Variants in PABPC4L observed in about 807,000 individuals in gnomAD.
PABPC4L encodes poly(A) binding protein cytoplasmic 4 like.
For missense variants in PABPC4L, 452 were observed against 451.4 expected (o/e 1.00, Z -0.01); for synonymous variants, 169 against 164.1 (o/e 1.03, Z -0.23).
chr4:134,169,151 G>A, the PABPC4L span, among the ~76,000 whole-genome samples: 1 of 152,056 alleles, frequency 6.6e-6, no homozygotes, highest in African/African-American at 2.4e-5. Context: ...GTCAACATAT[G>A]CAAATTGAAA....
chr4:134,085,613 C>T, the PABPC4L span, among the ~76,000 whole-genome samples: 1 of 152,130 alleles, frequency 6.6e-6, no homozygotes, highest in Non-Finnish European at 1.5e-5. Context: ...ACTATTCATA[C>T]TTCTAACACC....
the PABPC4L span, among the ~76,000 whole-genome samples, chr4:134,108,777 G>A: frequency 1.3e-5 from 2 of 151,758 alleles, no homozygotes; most frequent in Non-Finnish European, 2.9e-5. Context: ...TGGAGATGGT[G>A]TTCTCACTCT....
the PABPC4L span, among the ~76,000 whole-genome samples, chr4:133,988,448 G>C: frequency 6.6e-6 from 1 of 152,178 alleles, no homozygotes; most frequent in Non-Finnish European, 1.5e-5. Flanking sequence ...AGGGGCTACA[G>C]GCCCCATACA....
rs1462191860 is a variant in PABPC4L, at chr4:134,197,336, A to G, written c.*2571T>C. 6.6e-6 allele frequency: 1 copy of G among 151,736 alleles called. No homozygotes were observed. Among genetic ancestry groups the G allele is most frequent in the Admixed American group, 6.6e-5 (1 of 15,236 alleles). 9.4% of individuals were successfully genotyped at this position (151,736 alleles called of 1,614,324 possible). A position where few individuals can be genotyped will look rare whatever the true frequency, so the allele number is the denominator to read the frequency against. Reference sequence around the variant, plus strand: ...GATACTTTTTATGAACCAAAATTTTAGTTAGAAGCATTGAGAATATGAAAA... The same window carrying G: ...GATACTTTTTATGAACCAAAATTTTGGTTAGAAGCATTGAGAATATGAAAA... On this transcript the variant is annotated 3_prime_UTR_variant, in exon 2 of 2. Coordinates refer to ENST00000421491, the MANE Select transcript of PABPC4L (RefSeq NM_001114734.2).
chr4:133,981,031 C>T, the PABPC4L span, among the ~76,000 whole-genome samples: 1 of 152,058 alleles, frequency 6.6e-6, no homozygotes, highest in South Asian at 2.1e-4. Context: ...TGTAGTGGCA[C>T]ACGCCTGTAA....
the PABPC4L span, among the ~76,000 whole-genome samples, chr4:134,159,086 A>G: frequency 6.6e-6 from 1 of 152,312 alleles, no homozygotes; most frequent in South Asian, 2.1e-4. Context: ...AAGCTTATAG[A>G]AAAGAAAGTT....
In PABPC4L at chr4:134,199,941, T is replaced by C; in HGVS notation, c.1079A>G (p.Lys360Arg). The change falls in exon 2 of 2, where the codon AAA (lysine) becomes AGA (arginine). Residue 360 changes from lysine (K) to arginine (R), a missense_variant. Physicochemically the swap from Lys to Arg is conservative, Grantham distance 26. Coordinates refer to ENST00000421491, the MANE Select transcript of PABPC4L (RefSeq NM_001114734.2). ...TEMNGRILGS[K>R]PLSIALAQRH ...CTGGGCCAAGGCAATGCTAAGAGGT[T>C]TGGAGCCCAAGATGCGGCCATTCAT... The C allele has an allele frequency of 6.4e-7, 1 of 1,551,656 alleles. No individual in the cohort carries two copies. Among genetic ancestry groups the C allele is most frequent in the African/African-American group, 1.4e-5 (1 of 73,160 alleles).
At chr4:133,961,882 G>C in the PABPC4L span, among the ~76,000 whole-genome samples, 1 of 152,116 alleles carries the variant, frequency 6.6e-6, no homozygotes. Context: ...CCCAGGGTTT[G>C]TCCTAATTGT....
chr4:134,105,544 T>C, the PABPC4L span, among the ~76,000 whole-genome samples: 3 of 151,702 alleles, frequency 2.0e-5, no homozygotes, highest in African/African-American at 7.2e-5. Context: ...TTTTTATAAA[T>C]GGAAAAGCTT....
chr4:134,141,576 T>G, the PABPC4L span, among the ~76,000 whole-genome samples: 1 of 151,128 alleles, frequency 6.6e-6, no homozygotes, highest in African/African-American at 2.4e-5. Flanking sequence ...AGGCAATTAA[T>G]GTCTTGTTAT....
chr4:134,021,289 G>T, the PABPC4L span, among the ~76,000 whole-genome samples: 1 of 152,176 alleles, frequency 6.6e-6, no homozygotes, highest in South Asian at 2.1e-4. Flanking sequence ...GCAACTGGGG[G>T]CTCATTTCCA....
At chr4:134,016,336 T>C in the PABPC4L span, among the ~76,000 whole-genome samples, 1 of 152,122 alleles carries the variant, frequency 6.6e-6, no homozygotes, top group Non-Finnish European at 1.5e-5. Context: ...GCAAGAGGTT[T>C]CCTCACTACG....
the PABPC4L span, among the ~76,000 whole-genome samples, chr4:133,963,018 C>T: frequency 6.6e-6 from 1 of 152,096 alleles, no homozygotes; most frequent in Non-Finnish European, 1.5e-5. Flanking sequence ...TGTAAATGGC[C>T]TAAATGCTCC....
At chr4:134,180,044 G>T in the PABPC4L span, among the ~76,000 whole-genome samples, 3 of 151,962 alleles carry the variant, frequency 2.0e-5, no homozygotes, top group Non-Finnish European at 4.4e-5. Flanking sequence ...AGACAAAATG[G>T]TTCTAATACA....
intron 1 of PABPC4L, 51 bp from the exon 2 acceptor site, chr4:134,201,296 G>T: frequency 7.2e-7 from 1 of 1,397,304 alleles, no homozygotes; most frequent in Non-Finnish European, 9.4e-7. Flanking sequence ...CTTCCCCTCA[G>T]ATTTGTGAGA....
the PABPC4L span, among the ~76,000 whole-genome samples, chr4:134,106,284 C>A: frequency 6.6e-6 from 1 of 151,456 alleles, no homozygotes. Context: ...AAAGATTTAC[C>A]TACAGTTACA....
At chr4:134,122,855 TG>T in the PABPC4L span, among the ~76,000 whole-genome samples, 7 of 152,080 alleles carry the variant, frequency 4.6e-5, no homozygotes, top group South Asian at 1.0e-3. Context: ...TAGTTTAAGG[TG>T]TTTTGTTTAC....
chr4:134,039,035 T>A, the PABPC4L span, among the ~76,000 whole-genome samples: 2 of 152,158 alleles, frequency 1.3e-5, no homozygotes, highest in South Asian at 4.1e-4. Context: ...TTTGTTCTCA[T>A]TGGTTTCAAA....
chr4:134,097,178 A>C, the PABPC4L span, among the ~76,000 whole-genome samples: 2 of 151,924 alleles, frequency 1.3e-5, no homozygotes, highest in Non-Finnish European at 2.9e-5. Context: ...TAGTTAAAGA[A>C]GTGCTTATGT....
Sources: allele counts gnomAD v4.1 joint callset (sites outside exome capture counted in the v4.1 genomes callset), GRCh38; gene constraint gnomAD v4.1.1; transcripts MANE v1.5; gene names NCBI Gene and HGNC (gene_info 2026-07-23, HGNC 2026-07-21).